AGAP1: variants seen among roughly 807,000 people sequenced by gnomAD.
The protein encoded by AGAP1 is ArfGAP with GTPase domain, ankyrin repeat and PH domain 1.
A neutral mutation model predicts 105.3 loss-of-function variants in AGAP1; 29 were observed. The ratio of observed to expected loss-of-function variants is 0.28; its 90% CI spans 0.21 to 0.38. The LOEUF (loss-of-function observed/expected upper bound fraction) is 0.38. Among genes scored for constraint, AGAP1 ranks in the 10% least tolerant of loss-of-function variants. AGAP1 has a pLI of 1.00. For missense variants in AGAP1, 998 were observed against 1,165.1 expected, an observed-to-expected ratio of 0.86 and a Z score of 2.09; for synonymous variants, 509 against 485.9, an observed-to-expected ratio of 1.05 and a Z score of -0.63.
At position 235,734,838 on chromosome 2, in the gene AGAP1, A is replaced by G. The variant is rs74323886; in HGVS notation, c.311-6125A>G. ...ATGGAAGAGAGGAGGCGTAAGAAGC[A>G]GTCAGAACGTCTGGATTGGAGTCTT... is the stretch of plus-strand genomic sequence containing the variant. On this transcript the variant is annotated intron_variant, in intron 3 of 17. Coordinates refer to ENST00000304032, the MANE Select transcript of AGAP1 (RefSeq NM_001037131.3). This position sits in a 1 kb window ranked among gnomAD's most constrained non-coding sequence, Gnocchi z 5.3. 6.1e-4 allele frequency among the ~76,000 whole-genome samples: 93 copies of G among 152,350 alleles called. 1 individual carries two copies. In the East Asian group the frequency reaches 0.015, roughly 24 times the overall value.
In AGAP1 at chr2:235,566,514, A is replaced by C; in HGVS notation, c.163+71665A>C. 1.1e-6 allele frequency: 1 copy of C among 925,610 alleles called. No individual in the cohort carries two copies. Among genetic ancestry groups the C allele is most frequent in the Non-Finnish European group, 1.3e-6 (1 of 775,306 alleles). 57.3% of individuals were successfully genotyped at this position (925,610 alleles called of 1,614,324 possible). On this transcript the variant is annotated intron_variant, in intron 1 of 17. Transcript: ENST00000304032. This position sits in a 1 kb window ranked among gnomAD's most constrained non-coding sequence, Gnocchi z 5.2. Reference sequence around the variant, plus strand: ...TAAGCATTCATAAACAGTGAAAAGCACAAATCATCAGTGCGCCGTACGTTT... The same window carrying C: ...TAAGCATTCATAAACAGTGAAAAGCCCAAATCATCAGTGCGCCGTACGTTT...
chr2:236,060,295 G>A (rs779909526), intron 16 of AGAP1, among the ~76,000 whole-genome samples: 2 of 152,228 alleles, frequency 1.3e-5, no homozygotes, highest in Non-Finnish European at 2.9e-5. Context: ...AAAAATTTTA[G>A]TGCTTCAAAG....
At chr2:236,122,540 A>G (rs774827279) in intron 17 of AGAP1, among the ~76,000 whole-genome samples, 1 of 152,138 alleles carries the variant, frequency 6.6e-6, no homozygotes, top group Non-Finnish European at 1.5e-5. Context: ...ACTCTTTTTC[A>G]TGAGCAAAAA....
chr2:235,950,839 AG>A lies in AGAP1; in HGVS notation c.1484-17621del, dbSNP rs1452988609. 2.6e-5 allele frequency among the ~76,000 whole-genome samples: 4 copies of A among 151,762 alleles called. No individual in the cohort carries two copies. The East Asian group carries it at 7.8e-4, about 30-fold the overall frequency. ...TATTAACGAAATTTTAGCTTGATAA[AG>A]GAAATGCTTTAAACTCACAGCAAAT... On this transcript the variant is annotated intron_variant, in intron 12 of 17. Coordinates refer to ENST00000304032, the MANE Select transcript of AGAP1 (RefSeq NM_001037131.3).
At chr2:235,954,039 G>A (rs993057668) in intron 12 of AGAP1, among the ~76,000 whole-genome samples, 1 of 152,174 alleles carries the variant, frequency 6.6e-6, no homozygotes, top group African/African-American at 2.4e-5. Context: ...AGACCAGCCT[G>A]ACCAACATGG....
rs1220148980 is a variant in AGAP1, at chr2:235,989,418, G to C, written c.1645+20795G>C. On this transcript the variant is annotated intron_variant, in intron 13 of 17. Transcript: ENST00000304032. The surrounding 1 kb of genome is among the most constrained non-coding windows in gnomAD (Gnocchi z 4.4). ...ACAGACCAGGTGAAAACATCAGGAG[G>C]AGGGTCCGCAGCTCGATGGTGATGA... Among the ~76,000 whole-genome samples the C allele has an allele frequency of 6.6e-6, 1 of 152,172 alleles. No individual in the cohort carries two copies.
intron 6 of AGAP1, among the ~76,000 whole-genome samples, chr2:235,762,050 A>G (rs1954486107): frequency 6.6e-6 from 1 of 151,068 alleles, no homozygotes; most frequent in Admixed American, 6.6e-5. Flanking sequence ...CGGAAGTTCC[A>G]GTGAGCCGAG....
At chr2:235,894,266 C>T (rs149661094) in intron 10 of AGAP1, among the ~76,000 whole-genome samples, 1 of 152,234 alleles carries the variant, frequency 6.6e-6, no homozygotes, top group Non-Finnish European at 1.5e-5. Flanking sequence ...AGGAAGAATC[C>T]CCAGTTGGTT....
chr2:235,502,652 A>C (rs979131154), intron 1 of AGAP1, among the ~76,000 whole-genome samples: 1 of 148,126 alleles, frequency 6.8e-6, no homozygotes, highest in African/African-American at 2.5e-5. Context: ...AAAACTGCTC[A>C]TGCCGTCTGG....
rs1485318945 is a variant in AGAP1 at position 236,046,029 on chromosome 2, G to T, written c.1892-3030G>T. 2.1e-6 allele frequency: 1 copy of T among 471,534 alleles called. No homozygotes were observed. The highest frequency in any genetic ancestry group is 2.0e-5 in the African/African-American group (1 of 50,204). 29.2% of individuals were successfully genotyped at this position (471,534 alleles called of 1,614,324 possible). A position where few individuals can be genotyped will look rare whatever the true frequency, so the allele number is the denominator to read the frequency against. On this transcript the variant is annotated intron_variant, in intron 15 of 17. Coordinates refer to ENST00000304032, the MANE Select transcript of AGAP1 (RefSeq NM_001037131.3). This position sits in a 1 kb window ranked among gnomAD's most constrained non-coding sequence, Gnocchi z 5.2. Reference sequence around the variant, plus strand: ...CTGACAGCCTGGGAGCTGCTGGGGGGAGGTAGGAGGGGGTGCACCACGGTC... The same window carrying T: ...CTGACAGCCTGGGAGCTGCTGGGGGTAGGTAGGAGGGGGTGCACCACGGTC...
At chr2:235,638,757 G>A (rs1160030537) in intron 1 of AGAP1, among the ~76,000 whole-genome samples, 3 of 152,206 alleles carry the variant, frequency 2.0e-5, no homozygotes, top group African/African-American at 7.2e-5. Flanking sequence ...GGCTGAGGCC[G>A]GAGGAGGAGG....
chr2:236,118,191 G>A (rs1281203746), intron 16 of AGAP1, among the ~76,000 whole-genome samples: 1 of 152,080 alleles, frequency 6.6e-6, no homozygotes, highest in Admixed American at 6.6e-5. Flanking sequence ...AATGTCATGG[G>A]TAATGAGTTT....
intron 10 of AGAP1, among the ~76,000 whole-genome samples, chr2:235,884,444 T>G (rs569382052): frequency 6.8e-6 from 1 of 147,676 alleles, no homozygotes. Flanking sequence ...ATTAGGTTAT[T>G]TTTCACTGTT....
In AGAP1 at chr2:235,960,250, G is replaced by A. The variant is rs1472207652; in HGVS notation, c.1484-8212G>A. On this transcript the variant is annotated intron_variant, in intron 12 of 17. Transcript: ENST00000304032. The surrounding 1 kb of genome is among the most constrained non-coding windows in gnomAD (Gnocchi z 4.9). ...ACTCGAGTCATAGCCTCCTGAGGAC[G>A]ACTGCAAGGAGCTCATGAATGCTGG... is the stretch of plus-strand genomic sequence containing the variant. 6.6e-6 allele frequency among the ~76,000 whole-genome samples: 1 copy of A among 152,158 alleles called. No homozygotes were observed. The highest frequency in any genetic ancestry group is 1.5e-5 in the Non-Finnish European group (1 of 68,038).
chr2:235,715,088 T>A (rs1324578095), intron 2 of AGAP1, among the ~76,000 whole-genome samples: 2 of 152,212 alleles, frequency 1.3e-5, no homozygotes, highest in African/African-American at 2.4e-5. Flanking sequence ...TGAGCCACCG[T>A]GCCCAGCCCT....
rs76796086 is a variant in AGAP1, at chr2:236,092,725, A to G, written c.2115-27467A>G. Among the ~76,000 whole-genome samples, 2,496 of 152,338 alleles carry G rather than the reference A, an allele frequency of 0.016. 68 individuals are homozygous for G. The highest frequency in any genetic ancestry group is 0.057 in the African/African-American group (2,385 of 41,574). On this transcript the variant is annotated intron_variant, in intron 16 of 17. Coordinates refer to ENST00000304032, the MANE Select transcript of AGAP1 (RefSeq NM_001037131.3). The surrounding 1 kb of genome is among the most constrained non-coding windows in gnomAD (Gnocchi z 4.7). ...TCTTTAAACTCCATGTGAATACACA[A>G]TTATTTCAAAAAAGCTTACTAAAAA... is the stretch of plus-strand genomic sequence containing the variant.
Position 235,911,142 on chromosome 2 carries a change from A to T in AGAP1, c.1324+2236A>T, listed in dbSNP as rs368995003. The stretch of plus-strand genomic sequence containing the variant: ...ATTTAACTTAAATAAAAATTTATTG[A>T]TCTTTGTAACATGGTGTTTTGAATT... On this transcript the variant is annotated intron_variant, in intron 11 of 17. Coordinates refer to ENST00000304032, the MANE Select transcript of AGAP1 (RefSeq NM_001037131.3). 3.9e-5 allele frequency among the ~76,000 whole-genome samples: 6 copies of T among 152,340 alleles called. No individual in the cohort carries two copies. The South Asian group carries it at 1.2e-3, about 32-fold the overall frequency.
At chr2:235,878,841 T>G (rs1463793240) in intron 9 of AGAP1, among the ~76,000 whole-genome samples, 1 of 152,180 alleles carries the variant, frequency 6.6e-6, no homozygotes, top group Non-Finnish European at 1.5e-5. Flanking sequence ...ATGCGAGTTG[T>G]CATGAAGTCT....
chr2:235,823,141 C>T (rs962585368), intron 9 of AGAP1, among the ~76,000 whole-genome samples: 24 of 152,034 alleles, frequency 1.6e-4, no homozygotes, highest in African/African-American at 5.6e-4. Context: ...AGAACAAAAA[C>T]TATGTATAGT....
Sources: allele counts gnomAD v4.1 joint callset (sites outside exome capture counted in the v4.1 genomes callset), GRCh38; gene constraint gnomAD v4.1.1; non-coding constraint Gnocchi (gnomAD v3.1); transcripts MANE v1.5; gene names NCBI Gene and HGNC (gene_info 2026-07-23, HGNC 2026-07-21).